Variants in FLNC observed in about 807,000 individuals in gnomAD.
FLNC encodes the protein filamin-C.
FLNC carries 91 observed loss-of-function variants against 254.3 expected under a neutral mutation model. That is an observed-to-expected ratio of 0.36 (90% CI 0.30 to 0.43). FLNC has a LOEUF of 0.43. Among genes scored for constraint, FLNC ranks in the 20% least tolerant of loss-of-function variants. The pLI, the probability that FLNC is intolerant of heterozygous loss-of-function variation, is 1.00. For synonymous variants in FLNC, 1,430 were observed against 1,577.2 expected, an observed-to-expected ratio of 0.91 and a Z score of 2.21; for missense variants, 2,853 against 3,802.6, an observed-to-expected ratio of 0.75 and a Z score of 6.57.
rs1476673266 is a variant in FLNC, at chr7:128,842,754, G to A, written c.2390-40G>A. 6.2e-7 allele frequency: 1 copy of A among 1,608,046 alleles called. No homozygotes were observed. Among genetic ancestry groups the A allele is most frequent in the Non-Finnish European group, 8.5e-7 (1 of 1,177,800 alleles). On this transcript the variant is annotated intron_variant, in intron 15 of 47. Transcript: ENST00000325888. The surrounding 1 kb of genome is among the most constrained non-coding windows in gnomAD (Gnocchi z 5.4). ...AGGGGGCGGGGGTGAGTCGAGTCGG[G>A]GGCTGAGCCCAACTCACAGCAGTGC...
intron 5 of FLNC, 115 bp from the exon 6 acceptor site, chr7:128,837,872 G>C (rs1337358618): frequency 2.9e-6 from 4 of 1,372,044 alleles, no homozygotes; most frequent in Admixed American, 3.6e-5. Flanking sequence ...GTGCTGTGCA[G>C]TCTGGGGAAG....
intron 20 of FLNC, 125 bp downstream of exon 20, chr7:128,844,391 T>C: frequency 8.0e-7 from 1 of 1,247,912 alleles, no homozygotes; most frequent in Non-Finnish European, 1.1e-6. Flanking sequence ...GGTGTGGGGC[T>C]GAGGCCAGCC....
Position 128,856,853 on chromosome 7 carries a change from A to G in FLNC, c.7493A>G (p.Glu2498Gly), listed in dbSNP as rs1809084570. ...AGTCCCTTCAAGATCCGCGTTGGGG[A>G]GCAGAGCCAGGCTGGGGACCCAGGC... ...PGSPFKIRVG[E>G]QSQAGDPGLV... Residue 2498 changes from glutamate (E) to glycine (G), a missense_variant, in exon 45 of 48, where the codon GAG (glutamate) becomes GGG (glycine). Transcript: ENST00000325888. This position sits in a 1 kb window ranked among gnomAD's most constrained non-coding sequence, Gnocchi z 5.9. 6 of 1,613,996 alleles carry G rather than the reference A, an allele frequency of 3.7e-6. No individual in the cohort carries two copies. Among genetic ancestry groups the G allele is most frequent in the Non-Finnish European group, 5.1e-6 (6 of 1,179,970 alleles).
chr7:128,832,516 C>T (rs562982266), intron 1 of FLNC, among the ~76,000 whole-genome samples: 1 of 152,342 alleles, frequency 6.6e-6, no homozygotes, highest in South Asian at 2.1e-4. Context: ...TCAGCCTTCC[C>T]CTCCCCTCCA....
At chr7:128,831,392 A>G (rs1305486418) in intron 1 of FLNC, among the ~76,000 whole-genome samples, 2 of 152,012 alleles carry the variant, frequency 1.3e-5, no homozygotes, top group Non-Finnish European at 2.9e-5. Flanking sequence ...CCCCAACAAA[A>G]CAAGTGGCTT....
At chr7:128,851,683 T>C (rs1384387536) in intron 35 of FLNC, 55 bp downstream of exon 35, 5 of 1,575,428 alleles carry the variant, frequency 3.2e-6, no homozygotes, top group Admixed American at 1.7e-5. Flanking sequence ...CCGCATACAG[T>C]GCACTCATGT....
intron 8 of FLNC, 96 bp from the exon 9 acceptor site, chr7:128,839,927 G>A: frequency 5.3e-6 from 8 of 1,508,348 alleles, no homozygotes; most frequent in Non-Finnish European, 7.3e-6. Context: ...CACTGCCTGT[G>A]CCTGGGAGGG....
chr7:128,838,897 A>AC (rs1225359834), intron 8 of FLNC, 94 bp downstream of exon 8: 4 of 1,178,004 alleles, frequency 3.4e-6, no homozygotes, highest in Non-Finnish European at 4.9e-6. Flanking sequence ...GTCTGCAGAG[A>AC]CCCCCTCCCT....
At chr7:128,845,584 C>G (rs1179670579) in intron 21 of FLNC, among the ~76,000 whole-genome samples, 1 of 152,088 alleles carries the variant, frequency 6.6e-6, no homozygotes, top group African/African-American at 2.4e-5. Flanking sequence ...ACGGGGAAAG[C>G]TTTGGGGTAG....
rs184018403 is a variant in FLNC at position 128,851,336 on chromosome 7, A to G, written c.5644A>G (p.Ile1882Val). ...GMVNKPATFT[I>V]VTKDAGEGGL... is the part of the protein sequence containing the mutation. ...GGTCAACAAGCCAGCCACCTTCACT[A>G]TTGTCACCAAAGATGCTGGAGAAGG... Residue 1882 changes from isoleucine (I) to valine (V), a missense_variant, in exon 34 of 48, where the codon ATT (isoleucine) becomes GTT (valine). Ile to Val is a conservative substitution (Grantham distance 29, BLOSUM62 3). Coordinates refer to ENST00000325888, the MANE Select transcript of FLNC (RefSeq NM_001458.5). 2,603 of 1,614,082 alleles carry G rather than the reference A, an allele frequency of 1.6e-3. 3 individuals are homozygous for G. Among genetic ancestry groups the G allele is most frequent in the Admixed American group, 2.5e-3 (149 of 60,020 alleles).
At position 128,851,513 on chromosome 7, in the gene FLNC, C is replaced by T. The variant is rs771291072; in HGVS notation, c.5727C>T (p.Asn1909=). ...AGGCAGAGATCACCTGTAAGGACAA[C>T]AAGGATGGCACCTGCACCGTGTCCT... ...PSKAEITCKD[N]KDGTCTVSYL... The change falls in exon 35 of 48, where the codon AAC becomes AAT. Residue 1909 remains asparagine (N), a synonymous_variant. Coordinates refer to ENST00000325888, the MANE Select transcript of FLNC (RefSeq NM_001458.5). 19 of 1,613,890 alleles carry T rather than the reference C, an allele frequency of 1.2e-5. No individual in the cohort carries two copies. Among genetic ancestry groups the T allele is most frequent in the South Asian group, 6.6e-5 (6 of 91,092 alleles).
Position 128,835,252 on chromosome 7 carries a change from C to T in FLNC, c.353-74C>T. The T allele has an allele frequency of 1.9e-6, 3 of 1,604,912 alleles. No individual in the cohort carries two copies. The highest frequency in any genetic ancestry group is 2.6e-6 in the Non-Finnish European group (3 of 1,175,006). ...CAGAGCTCTGGCCCGAGGAGCTGCG[C>T]AGGTGAGGGAGGGTGCTCTGGGGCA... On this transcript the variant is annotated intron_variant, in intron 1 of 47. Transcript: ENST00000325888. This position sits in a 1 kb window ranked among gnomAD's most constrained non-coding sequence, Gnocchi z 5.3.
At chr7:128,844,528 A>T in intron 20 of FLNC, 130 bp from the exon 21 acceptor site, 1 of 983,576 alleles carries the variant, frequency 1.0e-6, no homozygotes, top group Non-Finnish European at 1.6e-6. Flanking sequence ...CAATGTCATC[A>T]CCTGGGATTG....
Position 128,853,520 on chromosome 7 carries a change from A to C in FLNC, c.6260A>C (p.Asn2087Thr), listed in dbSNP as rs749938373. The change falls in exon 38 of 48, where the codon AAC becomes ACC. Residue 2087 changes from asparagine to threonine, a missense_variant. Around this residue, in one of 10 missense-constraint regions of FLNC, gnomAD observed 551 missense variants for 835.0 expected, o/e 0.66. Transcript: ENST00000325888. The part of the protein sequence containing the change: ...SIEGPSKVDI[N>T]CEDMEDGTCK... ...GAAGGCCCAAGCAAGGTGGACATCA[A>C]CTGTGAGGACATGGAGGACGGGACA... 1 of 1,614,120 alleles carries C rather than the reference A, an allele frequency of 6.2e-7. No individual in the cohort carries two copies. Among genetic ancestry groups the C allele is most frequent in the Non-Finnish European group, 8.5e-7 (1 of 1,180,020 alleles).
At position 128,830,683 on chromosome 7, in the gene FLNC, G is replaced by T. The variant is rs1807849615; in HGVS notation, c.46G>T (p.Asp16Tyr). Residue 16 changes from aspartate to tyrosine, a missense_variant, in exon 1 of 48, where the codon GAT becomes TAT. Around this residue, in one of 10 missense-constraint regions of FLNC, gnomAD observed 37 missense variants for 32.7 expected, o/e 1.13. Transcript: ENST00000325888. ...CTCAGACGCCGGCCTCGGCCTGGGCGATGAGACAGACGAGATGCCGTCCAC... is the reference window on the plus strand; with the variant it reads ...CTCAGACGCCGGCCTCGGCCTGGGCTATGAGACAGACGAGATGCCGTCCAC... ...GYSDAGLGLG[D>Y]ETDEMPSTEK... The T allele has an allele frequency of 4.3e-6, 7 of 1,612,806 alleles. No homozygotes were observed. The highest frequency in any genetic ancestry group is 5.9e-6 in the Non-Finnish European group (7 of 1,179,960).
chr7:128,835,159 A>G lies in FLNC; in HGVS notation c.353-167A>G, dbSNP rs1219695744. ...TCTGACCGGAAGGGCCCCATAAAGA[A>G]CTTGGCATCTGAGTGGGGCCTCGCA... On this transcript the variant is annotated intron_variant, in intron 1 of 47. Transcript: ENST00000325888. The surrounding 1 kb of genome is among the most constrained non-coding windows in gnomAD (Gnocchi z 5.3). Among the ~76,000 whole-genome samples, 1 of 151,986 alleles carries G rather than the reference A, an allele frequency of 6.6e-6. No individual in the cohort carries two copies. Among genetic ancestry groups the G allele is most frequent in the African/African-American group, 2.4e-5 (1 of 41,372 alleles).
In FLNC at chr7:128,838,746, G is replaced by A. The variant is rs192163925; in HGVS notation, c.1354G>A (p.Val452Met). The change falls in exon 8 of 48, where the codon GTG becomes ATG. Residue 452 changes from valine (V) to methionine (M), a missense_variant. Transcript: ENST00000325888. ...CATGGAGGGGCCACATACCGTGCATGTGGCCTTTGCGGGTGCCCCCATCAC... is the reference window on the plus strand; with the variant it reads ...CATGGAGGGGCCACATACCGTGCATATGGCCTTTGCGGGTGCCCCCATCAC... ...PAMEGPHTVH[V>M]AFAGAPITRS... The A allele has an allele frequency of 6.3e-5, 101 of 1,613,094 alleles. No individual in the cohort carries two copies. The East Asian group carries it at 8.0e-4, about 13-fold the overall frequency.
Position 128,849,220 on chromosome 7 carries a change from C to G in FLNC, c.4951+16C>G, listed in dbSNP as rs775083350. On this transcript the variant is annotated intron_variant, in intron 29 of 47. Coordinates refer to ENST00000325888, the MANE Select transcript of FLNC (RefSeq NM_001458.5). ...CATGGCCTGGGTGAGTGCCCTTTCT[C>G]TCCTCTTCTTGGTGTGGGCCAGGGT... 1.2e-6 allele frequency: 2 copies of G among 1,614,168 alleles called. No individual in the cohort carries two copies. The highest frequency in any genetic ancestry group is 1.7e-6 in the Non-Finnish European group (2 of 1,180,030).
In FLNC at chr7:128,857,013, T is replaced by C; in HGVS notation, c.7561+92T>C. 6.3e-7 allele frequency: 1 copy of C among 1,577,754 alleles called. No homozygotes were observed. The highest frequency in any genetic ancestry group is 8.7e-7 in the Non-Finnish European group (1 of 1,149,640). On this transcript the variant is annotated intron_variant, in intron 45 of 47. Coordinates refer to ENST00000325888, the MANE Select transcript of FLNC (RefSeq NM_001458.5). This position sits in a 1 kb window ranked among gnomAD's most constrained non-coding sequence, Gnocchi z 4.5. ...TTGCTCCAGAGGTAGGGGCCCTGCT[T>C]CCTAAGCCAGGAGTCCCCACAGAGG...
Sources: gnomAD v4.1 joint callset for allele counts (sites outside exome capture counted in the v4.1 genomes callset) on GRCh38, gnomAD v4.1.1 for gene constraint, gnomAD v4.1.1 regional missense constraint, Gnocchi (gnomAD v3.1) non-coding constraint, MANE v1.5 for transcripts, NCBI Gene and HGNC (gene_info 2026-07-23, HGNC 2026-07-21) for gene names.